Variants in NFATC3 observed in about 807,000 individuals in gnomAD.
The protein encoded by NFATC3 is nuclear factor of activated T-cells, cytoplasmic 3.
A neutral mutation model predicts 98.6 loss-of-function variants in NFATC3; 46 were observed. That is an observed-to-expected ratio of 0.47 (90% CI 0.37 to 0.60). The LOEUF (loss-of-function observed/expected upper bound fraction) is 0.60, where lower values mean the gene tolerates loss of function less well. NFATC3 is among the 20% of genes least tolerant of loss of function. NFATC3 has a pLI of 0.00. For missense variants in NFATC3, 1,256 were observed against 1,295.5 expected, an observed-to-expected ratio of 0.97 and a Z score of 0.47; for synonymous variants, 512 against 472.2, an observed-to-expected ratio of 1.08 and a Z score of -1.09.
chr16:68,140,840 G>A (rs2037714510), intron 3 of NFATC3, among the ~76,000 whole-genome samples: 1 of 151,784 alleles, frequency 6.6e-6, no homozygotes, highest in African/African-American at 2.4e-5. Context: ...GTGGTTTTTT[G>A]TTAAATGGAT....
chr16:68,203,787 G>A (rs1395571812), intron 9 of NFATC3, among the ~76,000 whole-genome samples: 4 of 152,004 alleles, frequency 2.6e-5, no homozygotes, highest in East Asian at 1.9e-4. Context: ...GCGGTGGCTC[G>A]TGCCTGTAAT....
chr16:68,200,632 C>G (rs970951404), intron 9 of NFATC3: 2 of 152,056 alleles, frequency 1.3e-5, no homozygotes, highest in Non-Finnish European at 2.9e-5. Flanking sequence ...CAAGTAGTCC[C>G]CCTGGAAGGC....
intron 8 of NFATC3, among the ~76,000 whole-genome samples, chr16:68,184,860 A>G (rs1598532509): frequency 6.6e-6 from 1 of 152,192 alleles, no homozygotes; most frequent in African/African-American, 2.4e-5. Flanking sequence ...AGTTTTTGTA[A>G]AGAGAGAGAA....
At chr16:68,209,663 C>G in intron 9 of NFATC3, 1 of 407,152 alleles carries the variant, frequency 2.5e-6, no homozygotes, top group South Asian at 2.0e-5. Context: ...GTGCTGAACA[C>G]CAAATCAACC....
chr16:68,192,722 G>C (rs1276362992), intron 9 of NFATC3, among the ~76,000 whole-genome samples: 1 of 152,122 alleles, frequency 6.6e-6, no homozygotes, highest in Non-Finnish European at 1.5e-5. Context: ...AATTAGCCAG[G>C]CATAGTGATG....
chr16:68,211,572 G>A (rs1401590785), intron 9 of NFATC3, among the ~76,000 whole-genome samples: 1 of 151,320 alleles, frequency 6.6e-6, no homozygotes, highest in Non-Finnish European at 1.5e-5. Context: ...GCCCAGTCTG[G>A]AGTGCAATGG....
intron 1 of NFATC3, among the ~76,000 whole-genome samples, chr16:68,112,169 T>C (rs1031404646): frequency 1.3e-5 from 2 of 152,004 alleles, no homozygotes; most frequent in African/African-American, 4.8e-5. Flanking sequence ...CCTATCTTGC[T>C]AGGTTGGGGA....
intron 1 of NFATC3, among the ~76,000 whole-genome samples, chr16:68,104,623 A>G (rs2035544016): frequency 6.8e-6 from 1 of 146,872 alleles, no homozygotes; most frequent in African/African-American, 2.6e-5. Flanking sequence ...TTACACCACT[A>G]TGATGTTAGC....
At chr16:68,146,638 T>G (rs937453673) in intron 3 of NFATC3, among the ~76,000 whole-genome samples, 5 of 152,238 alleles carry the variant, frequency 3.3e-5, no homozygotes, top group Non-Finnish European at 7.3e-5. Flanking sequence ...GTCTAATATA[T>G]TTAGAGCCCA....
At chr16:68,157,798 A>T in intron 3 of NFATC3, 71 bp from the exon 4 acceptor site, 2 of 1,208,426 alleles carry the variant, frequency 1.7e-6, no homozygotes, top group Non-Finnish European at 2.4e-6. Context: ...TAATAGACTT[A>T]CTATTGTTGG....
At chr16:68,096,862 G>A (rs1212933232) in intron 1 of NFATC3, among the ~76,000 whole-genome samples, 2 of 152,172 alleles carry the variant, frequency 1.3e-5, no homozygotes, top group Non-Finnish European at 2.9e-5. Context: ...ACTGTATTGA[G>A]GAGTTTGGAT....
intron 9 of NFATC3, among the ~76,000 whole-genome samples, chr16:68,202,144 C>T (rs1213781705): frequency 6.6e-6 from 1 of 151,994 alleles, no homozygotes; most frequent in Non-Finnish European, 1.5e-5. Flanking sequence ...AGCTGCAGCT[C>T]TTCAGCAGAG....
chr16:68,128,646 AAAAAAC>A (rs1416071691), intron 3 of NFATC3, among the ~76,000 whole-genome samples: 7 of 152,178 alleles, frequency 4.6e-5, no homozygotes, highest in African/African-American at 1.4e-4. Flanking sequence ...TAAAAGATTA[AAAAAAC>A]AAAAACAAAA....
Position 68,190,985 on chromosome 16 carries a change from G to C in NFATC3, c.2316G>C (p.Glu772Asp), listed in dbSNP as rs1161243618. 2 of 1,614,088 alleles carry C rather than the reference G, an allele frequency of 1.2e-6. No homozygotes were observed. The change falls in exon 9 of 10, where the codon GAG (glutamate) becomes GAC (aspartate). Residue 772 changes from glutamate (E) to aspartate (D), a missense_variant. Around this residue, in one of 3 missense-constraint regions of NFATC3, gnomAD observed 636 missense variants for 617.3 expected, o/e 1.03. Coordinates refer to ENST00000346183, the MANE Select transcript of NFATC3 (RefSeq NM_173165.3). ...SHLPQLQCRDESVSKEQHMIP... is the reference protein window; with the variant it reads ...SHLPQLQCRDDSVSKEQHMIP... ...TGCCACAGTTGCAGTGTAGAGATGA[G>C]AGTGTTAGTAAAGAACAGCATATGA... is the stretch of plus-strand genomic sequence containing the variant.
chr16:68,085,778 C>A lies in NFATC3; in HGVS notation c.97C>A (p.Pro33Thr). Residue 33 changes from proline to threonine, a missense_variant, in exon 1 of 10, where the codon CCT becomes ACT. Physicochemically the swap from Pro to Thr is conservative, Grantham distance 38. Coordinates refer to ENST00000346183, the MANE Select transcript of NFATC3 (RefSeq NM_173165.3). The stretch of plus-strand genomic sequence containing the variant: ...GGCGCCGCCGCCCCCGGGCTCGCGG[C>A]CTGCAGGTGGGTGCCGGGCCAGGCG... ...APAPPPPGSR[P>T]ADLEPDDCAS... 6.7e-7 allele frequency: 1 copy of A among 1,486,036 alleles called. No individual in the cohort carries two copies. The allele number at this position is 1,486,036 out of a possible 1,614,324, so 92.1% of individuals were successfully genotyped here.
At chr16:68,211,082 T>C (rs1437530286) in intron 9 of NFATC3, among the ~76,000 whole-genome samples, 2 of 152,088 alleles carry the variant, frequency 1.3e-5, no homozygotes, top group Admixed American at 6.6e-5. Context: ...TTTCTTATAG[T>C]ATCTTTTTCT....
chr16:68,138,561 A>C, intron 3 of NFATC3: 3 of 1,289,140 alleles, frequency 2.3e-6, no homozygotes, highest in Non-Finnish European at 3.0e-6. Flanking sequence ...CACAGCTTCT[A>C]CTGTCCATGG....
chr16:68,166,276 A>G (rs987353113), intron 4 of NFATC3, among the ~76,000 whole-genome samples: 13 of 152,158 alleles, frequency 8.5e-5, no homozygotes, highest in African/African-American at 3.1e-4. Context: ...GTCCATTCAC[A>G]TGGTGTCAGC....
At chr16:68,201,696 A>G (rs1395206203) in intron 9 of NFATC3, among the ~76,000 whole-genome samples, 4 of 151,060 alleles carry the variant, frequency 2.6e-5, no homozygotes, top group African/African-American at 7.3e-5. Flanking sequence ...CATGCCTGTA[A>G]TCCCAGCACT....
Sources: allele counts gnomAD v4.1 joint callset (sites outside exome capture counted in the v4.1 genomes callset), GRCh38; gene constraint gnomAD v4.1.1; regional missense constraint gnomAD v4.1.1; transcripts MANE v1.5; gene names NCBI Gene and HGNC (gene_info 2026-07-23, HGNC 2026-07-21).